The following FRMPD4 variants were observed in gnomAD, a reference collection of about 807,000 sequenced individuals.
FRMPD4 encodes FERM and PDZ domain containing 4, also known as FERM and PDZ domain-containing protein 4.
In FRMPD4, 22 loss-of-function variants were observed where a neutral mutation model predicts 94.1. That is an observed-to-expected ratio of 0.23 (90% CI 0.17 to 0.33). The LOEUF (loss-of-function observed/expected upper bound fraction) is 0.33. FRMPD4 is among the 10% of genes least tolerant of loss of function. The pLI, the probability that FRMPD4 is intolerant of heterozygous loss-of-function variation, is 1.00. For missense variants in FRMPD4, 1,111 were observed against 1,339.9 expected (o/e 0.83, Z 2.67); for synonymous variants, 631 against 548.6 (o/e 1.15, Z -2.10).
At chrX:11,921,563 A>G (rs1332857564) in intron 3 of FRMPD4, among the ~76,000 whole-genome samples, 2 of 112,067 alleles carry the variant, frequency 1.8e-5, no homozygotes, top group East Asian at 2.8e-4. Flanking sequence ...GTGGAATTTG[A>G]GCAAATGTAA....
At position 12,429,543 on chromosome X, in the gene FRMPD4, T is replaced by C. The variant is rs146979796; in HGVS notation, c.42-69137T>C. The stretch of plus-strand genomic sequence containing the variant: ...CCTTTCTCCTCCGTGCTAACTTTAT[T>C]TGGCTTTCTTTCCATTCTTTCTGTA... On this transcript the variant is annotated intron_variant, in intron 1 of 16. Coordinates refer to ENST00000675598, the MANE Select transcript of FRMPD4 (RefSeq NM_001368397.1). Among the ~76,000 whole-genome samples the C allele has an allele frequency of 4.3e-3, 484 of 111,855 alleles. 4 individuals carry two copies. The highest frequency in any genetic ancestry group is 0.015 in the African/African-American group (462 of 30,722).
At chrX:12,196,503 T>G (rs759769296) in intron 1 of FRMPD4, among the ~76,000 whole-genome samples, 39 of 110,878 alleles carry the variant, frequency 3.5e-4, no homozygotes, top group African/African-American at 1.2e-3. Context: ...GGAGCCTGAA[T>G]GAGGTTTAAT....
chrX:11,822,571 T>A (rs186622133), exon 1 of FRMPD4, among the ~76,000 whole-genome samples: 2 of 112,123 alleles, frequency 1.8e-5, no homozygotes, highest in Admixed American at 1.9e-4. Context: ...GAGCTAGAGT[T>A]GACCTCTTTT....
intron 3 of FRMPD4, among the ~76,000 whole-genome samples, chrX:12,110,588 A>G (rs369923618): frequency 1.8e-5 from 2 of 111,059 alleles, no homozygotes; most frequent in African/African-American, 3.3e-5. Context: ...GGCAGGAGAA[A>G]GAAATAAAGG....
At chrX:12,073,457 G>A (rs1424413045) in intron 3 of FRMPD4, among the ~76,000 whole-genome samples, 1 of 111,482 alleles carries the variant, frequency 9.0e-6, no homozygotes, top group East Asian at 2.8e-4. Flanking sequence ...TTATTCTTTT[G>A]ATTATTTTTC....
chrX:12,705,457 T>C (rs906481487), intron 11 of FRMPD4, among the ~76,000 whole-genome samples: 1 of 111,755 alleles, frequency 8.9e-6, no homozygotes, highest in African/African-American at 3.3e-5. Flanking sequence ...CATTTTGTCT[T>C]AGTATCTGAT....
At chrX:12,021,764 G>A (rs1601888669) in intron 3 of FRMPD4, among the ~76,000 whole-genome samples, 1 of 111,673 alleles carries the variant, frequency 9.0e-6, no homozygotes, top group Admixed American at 9.5e-5. Flanking sequence ...AAGAAGTCCC[G>A]TTTTCACATC....
At chrX:12,243,294 G>A (rs1340233615) in intron 1 of FRMPD4, among the ~76,000 whole-genome samples, 2 of 112,102 alleles carry the variant, frequency 1.8e-5, no homozygotes, top group Non-Finnish European at 3.8e-5. Context: ...TTCTTAAAGG[G>A]CATTTTCAAT....
intron 3 of FRMPD4, among the ~76,000 whole-genome samples, chrX:12,046,019 G>A (rs772933277): frequency 1.8e-5 from 2 of 110,953 alleles, no homozygotes; most frequent in South Asian, 3.8e-4. Context: ...AGACCACTAC[G>A]CAATGAAAAA....
intron 2 of FRMPD4, among the ~76,000 whole-genome samples, chrX:12,592,416 C>T (rs750206649): frequency 1.3e-4 from 15 of 111,640 alleles, no homozygotes; most frequent in Non-Finnish European, 2.4e-4. Flanking sequence ...TTATGATGGG[C>T]GAGGAAAGGT....
At chrX:12,253,269 G>C (rs187054268) in intron 1 of FRMPD4, among the ~76,000 whole-genome samples, 1 of 112,340 alleles carries the variant, frequency 8.9e-6, no homozygotes, top group Non-Finnish European at 1.9e-5. Flanking sequence ...TGGAAACAGC[G>C]AGTGAGTTGT....
chrX:12,263,985 T>TA lies in FRMPD4; in HGVS notation c.41+124975dup, dbSNP rs1246892013. On this transcript the variant is annotated intron_variant, in intron 1 of 16. Transcript: ENST00000675598. Reference sequence around the variant, plus strand: ...TAATCCATTAACGAGGGTGGAGCATTAATACCTCCCATTATGCCCCATTGC... The same window carrying TA: ...TAATCCATTAACGAGGGTGGAGCATTAAATACCTCCCATTATGCCCCATTGC... 1.9e-4 allele frequency among the ~76,000 whole-genome samples: 21 copies of TA among 111,040 alleles called. No individual in the cohort carries two copies. In the Admixed American group the frequency reaches 2.0e-3, roughly 11 times the overall value.
In FRMPD4 at chrX:11,929,585, A is replaced by G. The variant is rs752613961; in HGVS notation, c.95+51567A>G. On this transcript the variant is annotated intron_variant, in intron 3 of 18. Transcript: ENST00000640291. ...AGGTCGAACCTGTGTGCATCTGTTC[A>G]TAAAGCTAGTCTTAACCTGACTGGT... Among the ~76,000 whole-genome samples, 25 of 112,673 alleles carry G rather than the reference A, an allele frequency of 2.2e-4. No individual in the cohort carries two copies. In the Admixed American group the frequency reaches 2.2e-3, roughly 10 times the overall value.
chrX:12,228,546 T>A, intron 1 of FRMPD4, among the ~76,000 whole-genome samples: 1 of 112,005 alleles, frequency 8.9e-6, no homozygotes, highest in Non-Finnish European at 1.9e-5. Context: ...TCATCACTAG[T>A]GAAAGGGTCT....
upstream of FRMPD4, among the ~76,000 whole-genome samples, chrX:12,134,285 C>T (rs1297687565): frequency 8.9e-6 from 1 of 112,359 alleles, no homozygotes; most frequent in Non-Finnish European, 1.9e-5. Flanking sequence ...TTGTTCACTA[C>T]AATTTCTGAT....
intron 3 of FRMPD4, among the ~76,000 whole-genome samples, chrX:12,040,720 G>A (rs765563512): frequency 1.9e-5 from 2 of 107,790 alleles, no homozygotes; most frequent in South Asian, 8.3e-4. Flanking sequence ...TAGTAGAGAC[G>A]GGGTTTCACA....
intron 2 of FRMPD4, among the ~76,000 whole-genome samples, chrX:12,557,164 C>T (rs1313935930): frequency 9.0e-6 from 1 of 111,546 alleles, no homozygotes; most frequent in Non-Finnish European, 1.9e-5. Flanking sequence ...CCCCAACCCT[C>T]CAATGGGGTT....
chrX:12,702,041 G>A, intron 10 of FRMPD4, 31 bp downstream of exon 10: 1 of 1,184,093 alleles, frequency 8.4e-7, no homozygotes, highest in African/African-American at 1.7e-5. Flanking sequence ...CCATTTCGGA[G>A]ACAGACATGC....
intron 3 of FRMPD4, among the ~76,000 whole-genome samples, chrX:12,028,171 T>C (rs780182628): frequency 4.5e-4 from 50 of 112,013 alleles, no homozygotes; most frequent in African/African-American, 1.6e-3. Flanking sequence ...TTTGGCAGAA[T>C]TGAGTCTTTT....
Sources: gnomAD v4.1 joint callset for allele counts (sites outside exome capture counted in the v4.1 genomes callset) on GRCh38, gnomAD v4.1.1 for gene constraint, MANE v1.5 for transcripts, NCBI Gene and HGNC (gene_info 2026-07-23, HGNC 2026-07-21) for gene names.